Variants in CS observed in about 807,000 individuals in gnomAD.
CS encodes the protein citrate synthase, mitochondrial.
Under a neutral mutation model 61.4 loss-of-function variants are expected in CS, and 13 were observed. The observed-to-expected ratio is 0.21, with a 90% CI of 0.14 to 0.34. The LOEUF (loss-of-function observed/expected upper bound fraction) is 0.34, where lower values mean the gene tolerates loss of function less well. Among genes scored for constraint, CS ranks in the 10% least tolerant of loss-of-function variants. CS has a pLI of 1.00. For synonymous variants in CS, 159 were observed against 215.2 expected (o/e 0.74, Z 2.29); for missense variants, 278 against 573.4 (o/e 0.48, Z 5.26).
Position 56,276,122 on chromosome 12 carries a change from T to A in CS, c.662A>T (p.Tyr221Phe). The A allele has an allele frequency of 6.2e-7, 1 of 1,614,154 alleles. No homozygotes were observed. Among genetic ancestry groups the A allele is most frequent in the East Asian group, 2.2e-5 (1 of 44,888 alleles). The change falls in exon 7 of 11, where the codon TAC becomes TTC. Residue 221 changes from tyrosine (Y) to phenylalanine (F), a missense_variant. Coordinates refer to ENST00000351328, the MANE Select transcript of CS (RefSeq NM_004077.3). Reference sequence around the variant, plus strand: ...GGCCCCAATACCGCTGCCTTCTCTGTAGAGATTTCGGTAGATCTTTGCTGC... The same window carrying A: ...GGCCCCAATACCGCTGCCTTCTCTGAAGAGATTTCGGTAGATCTTTGCTGC... ...CVAAKIYRNLYREGSGIGAID... is the reference protein window; with the variant it reads ...CVAAKIYRNLFREGSGIGAID...
chr12:56,281,206 A>C (rs576044391), intron 6 of CS, among the ~76,000 whole-genome samples: 1 of 152,362 alleles, frequency 6.6e-6, no homozygotes, highest in East Asian at 1.9e-4. Flanking sequence ...AAGGAACAAA[A>C]GAAAATGGTA....
rs1307964948 is a variant in CS at position 56,290,656 on chromosome 12, T to G, written c.43-4011A>C. On this transcript the variant is annotated intron_variant, in intron 1 of 10. Coordinates refer to ENST00000351328, the MANE Select transcript of CS (RefSeq NM_004077.3). ...CTCAAAAGGGTAGAGTAGAAAAAAT[T>G]CAACTTAGGACAACTTTATCTAATG... Among the ~76,000 whole-genome samples, 3 of 152,152 alleles carry G rather than the reference T, an allele frequency of 2.0e-5. No homozygotes were observed. The East Asian group carries it at 5.8e-4, about 29-fold the overall frequency.
chr12:56,298,616 C>G, intron 1 of CS: 14 of 985,398 alleles, frequency 1.4e-5, no homozygotes, highest in Non-Finnish European at 1.7e-5. Flanking sequence ...TACCCTTTTC[C>G]CCAGCAGCAG....
intron 1 of CS, among the ~76,000 whole-genome samples, chr12:56,295,862 G>A (rs1435932694): frequency 1.4e-5 from 2 of 147,998 alleles, no homozygotes; most frequent in African/African-American, 5.0e-5. Context: ...GCTGAGGCAG[G>A]AGAATGGCGT....
chr12:56,299,902 T>A (rs777041468), intron 1 of CS: 100 of 421,332 alleles, frequency 2.4e-4, no homozygotes, highest in Non-Finnish European at 3.8e-4. Flanking sequence ...ACATGCGGGG[T>A]GACAGCAGGG....
At chr12:56,278,322 T>A (rs138155346) in intron 6 of CS, among the ~76,000 whole-genome samples, 6,941 of 152,140 alleles carry the variant, frequency 0.046, 225 homozygotes, top group Non-Finnish European at 0.068. Flanking sequence ...GAGATGGGGT[T>A]TCACCATATT....
intron 1 of CS, chr12:56,291,199 A>G (rs1873113775): frequency 1.7e-6 from 2 of 1,168,466 alleles, no homozygotes; most frequent in Non-Finnish European, 2.2e-6. Flanking sequence ...TTTCTTACAA[A>G]TGTGTTGGCC....
chr12:56,296,404 C>T (rs1488498095), intron 1 of CS, among the ~76,000 whole-genome samples: 1 of 152,016 alleles, frequency 6.6e-6, no homozygotes, highest in Non-Finnish European at 1.5e-5. Flanking sequence ...AATAGCAAGC[C>T]ATGTTCGCAC....
rs187682309 is a variant in CS, at chr12:56,298,639, C to T, written c.42+1521G>A. 8.3e-5 allele frequency: 82 copies of T among 985,422 alleles called. No individual in the cohort carries two copies. The East Asian group carries it at 5.4e-3, about 65-fold the overall frequency. The allele number at this position is 985,422 out of a possible 1,614,324, so 61.0% of individuals were successfully genotyped here. A position where few individuals can be genotyped will look rare whatever the true frequency, so the allele number is the denominator to read the frequency against. On this transcript the variant is annotated intron_variant, in intron 1 of 10. Coordinates refer to ENST00000351328, the MANE Select transcript of CS (RefSeq NM_004077.3). Reference sequence around the variant, plus strand: ...TCCCCAGCAGCAGGAGAAGCAACAGCCAAGTAAGACAAGCATCTCCCAAAT... The same window carrying T: ...TCCCCAGCAGCAGGAGAAGCAACAGTCAAGTAAGACAAGCATCTCCCAAAT...
chr12:56,283,765 T>G, intron 4 of CS, 27 bp downstream of exon 4: 1 of 1,564,266 alleles, frequency 6.4e-7, no homozygotes, highest in Non-Finnish European at 8.8e-7. Flanking sequence ...TCAATGATTA[T>G]TAGTAATTGA....
At chr12:56,273,992 T>TA (rs1484693521) in intron 9 of CS, 196 bp from the exon 10 acceptor site, 2 of 496,884 alleles carry the variant, frequency 4.0e-6, no homozygotes, top group African/African-American at 4.0e-5. Context: ...CACCAACACA[T>TA]CTGGCTTTTT....
Position 56,286,605 on chromosome 12 carries a change from G to C in CS, c.83C>G (p.Ala28Gly). 1 of 1,614,012 alleles carries C rather than the reference G, an allele frequency of 6.2e-7. No individual in the cohort carries two copies. Among genetic ancestry groups the C allele is most frequent in the Non-Finnish European group, 8.5e-7 (1 of 1,179,934 alleles). Residue 28 changes from alanine (A) to glycine (G), a missense_variant, in exon 2 of 11, where the codon GCT (alanine) becomes GGT (glycine). This residue lies in a region of CS where 55 missense variants were observed against 69.9 expected (regional missense o/e 0.79). Transcript: ENST00000351328. Reference sequence around the variant, plus strand: ...TTTTCCAAACCTTACCGTGGAGGAAGCACTGGCATGCCGGGCTGCAAGAAC... The same window carrying C: ...TTTTCCAAACCTTACCGTGGAGGAACCACTGGCATGCCGGGCTGCAAGAAC... ...CLVLAARHAS[A>G]SSTNLKDILA...
At position 56,273,250 on chromosome 12, in the gene CS, T is replaced by TA; in HGVS notation, c.1234dup (p.Tyr412LeufsTer53). The TA allele has an allele frequency of 6.2e-7, 1 of 1,613,962 alleles. No homozygotes were observed. On this transcript the variant is annotated frameshift_variant, in exon 11 of 11. Coordinates refer to ENST00000351328, the MANE Select transcript of CS (RefSeq NM_004077.3). LOFTEE classifies it high-confidence loss of function. Reference sequence around the variant, plus strand: ...GTAGTAATTCATCTCCGTCATGCCATAATACTGTAAGGTAGAAGAGAAAAA... The same window carrying TA: ...GTAGTAATTCATCTCCGTCATGCCATAAATACTGTAAGGTAGAAGAGAAAAA...
At chr12:56,300,107 C>T (rs1417824223) in intron 1 of CS, 53 bp downstream of exon 1, 4 of 1,523,448 alleles carry the variant, frequency 2.6e-6, no homozygotes, top group African/African-American at 2.8e-5. Context: ...GGAGGGCCTG[C>T]GGTCGCCTCA....
At chr12:56,291,164 C>T (rs1873112404) in intron 1 of CS, 1 of 890,194 alleles carries the variant, frequency 1.1e-6, no homozygotes, top group Non-Finnish European at 1.5e-6. Flanking sequence ...GTGCTTTGTG[C>T]ATAGCTGAAT....
Position 56,285,910 on chromosome 12 carries a change from C to T in CS, c.201+6G>A. On this transcript the variant is annotated splice_donor_region_variant and intron_variant, in intron 3 of 10. Transcript: ENST00000351328. ...CTTTTCCCAGCCAAAGCCACACAAC[C>T]CTTACCATGTCCACAGTGATTTGGC... 1 of 1,610,174 alleles carries T rather than the reference C, an allele frequency of 6.2e-7. No homozygotes were observed. Among genetic ancestry groups the T allele is most frequent in the South Asian group, 1.1e-5 (1 of 90,948 alleles).
chr12:56,282,287 T>C, intron 6 of CS, 133 bp downstream of exon 6: 1 of 694,774 alleles, frequency 1.4e-6, no homozygotes, highest in Non-Finnish European at 2.2e-6. Context: ...AAGCCTCCAA[T>C]GAAAATCTGT....
At chr12:56,283,766 T>G (rs148439771) in intron 4 of CS, 26 bp downstream of exon 4, 9 of 1,568,114 alleles carry the variant, frequency 5.7e-6, no homozygotes, top group Non-Finnish European at 7.9e-6. Flanking sequence ...CAATGATTAT[T>G]AGTAATTGAC....
intron 8 of CS, 23 bp from the exon 9 acceptor site, chr12:56,274,901 A>G (rs1254538593): frequency 6.2e-7 from 1 of 1,604,750 alleles, no homozygotes; most frequent in Non-Finnish European, 8.5e-7. Flanking sequence ...TTTGGGGAAA[A>G]AGGGAATGTT....
Sources: allele counts gnomAD v4.1 joint callset (sites outside exome capture counted in the v4.1 genomes callset), GRCh38; gene constraint gnomAD v4.1.1; regional missense constraint gnomAD v4.1.1; transcripts MANE v1.5; gene names NCBI Gene and HGNC (gene_info 2026-07-23, HGNC 2026-07-21).